Variants in GLDN observed in about 807,000 individuals in gnomAD.
The protein encoded by GLDN is gliomedin.
GLDN carries 47 observed loss-of-function variants against 56.5 expected under a neutral mutation model. The ratio of observed to expected loss-of-function variants is 0.83; its 90% CI spans 0.66 to 1.06. The LOEUF (loss-of-function observed/expected upper bound fraction) is 1.06, where lower values mean the gene tolerates loss of function less well. GLDN is among the 50% of genes least tolerant of loss of function. The pLI, the probability that GLDN is intolerant of heterozygous loss-of-function variation, is 0.00. For missense variants in GLDN, 782 were observed against 714.3 expected, an observed-to-expected ratio of 1.09 and a Z score of -1.08; for synonymous variants, 332 against 278.8, an observed-to-expected ratio of 1.19 and a Z score of -1.90.
intron 4 of GLDN, chr15:51,384,128 G>A (rs150415472): frequency 9.2e-4 from 470 of 513,292 alleles, no homozygotes; most frequent in Middle Eastern, 2.3e-3. Context: ...GAACTGACTC[G>A]CACCCTTCTG....
At chr15:51,411,791 G>A (rs991839639), downstream of GLDN, among the ~76,000 whole-genome samples, 1 of 152,078 alleles carries the variant, frequency 6.6e-6, no homozygotes, top group Non-Finnish European at 1.5e-5. Flanking sequence ...ACTATTTTTA[G>A]TTTGCAGACC....
At chr15:51,343,846 C>T (rs2036930386) in intron 1 of GLDN, among the ~76,000 whole-genome samples, 1 of 152,198 alleles carries the variant, frequency 6.6e-6, no homozygotes, top group South Asian at 2.1e-4. Flanking sequence ...TCCAGGGCCT[C>T]TCCCTCAGAC....
At position 51,404,409 on chromosome 15, in the gene GLDN, C is replaced by A; in HGVS notation, c.1311C>A (p.Ile437=). The A allele has an allele frequency of 6.2e-7, 1 of 1,614,154 alleles. No individual in the cohort carries two copies. Among genetic ancestry groups the A allele is most frequent in the Non-Finnish European group, 8.5e-7 (1 of 1,180,020 alleles). ...TAGATGAAAAGGGCCTTTGGATTAT[C>A]TATGCGTCAAGTGTGGACGGCTCGA... ...LAVDEKGLWI[I]YASSVDGSSI... The change falls in exon 10 of 10, where the codon ATC becomes ATA. Residue 437 remains isoleucine, a synonymous_variant. Transcript: ENST00000335449.
intron 1 of GLDN, among the ~76,000 whole-genome samples, chr15:51,376,012 C>A (rs1335384961): frequency 6.6e-6 from 1 of 152,204 alleles, no homozygotes; most frequent in African/African-American, 2.4e-5. Context: ...CAAGGAAATT[C>A]TCTTGATGAT....
intron 8 of GLDN, 113 bp from the exon 9 acceptor site, chr15:51,401,480 T>G (rs2038247864): frequency 3.3e-6 from 3 of 907,836 alleles, no homozygotes; most frequent in Non-Finnish European, 5.3e-6. Flanking sequence ...CAAGGGACCT[T>G]AGGGAACATT....
intron 1 of GLDN, among the ~76,000 whole-genome samples, chr15:51,355,731 G>T (rs571014556): frequency 4.7e-5 from 7 of 149,620 alleles, no homozygotes; most frequent in Admixed American, 1.3e-4. Flanking sequence ...CACCGTGTTA[G>T]CCGGGATGGT....
rs745619575 is a variant in GLDN, at chr15:51,404,752, T to G, written c.1654T>G (p.Ter552GlyextTer51). Residue 552 changes from the stop codon to glycine, a stop_lost, in exon 10 of 10, where the codon TGA (stop) becomes GGA (glycine). Coordinates refer to ENST00000335449, the MANE Select transcript of GLDN (RefSeq NM_181789.4). The part of the protein sequence containing the change: ...VQFLSTTLNQ[*>G] ...GTTTTTGTCAACTACCTTAAATCAG[T>G]GATGTGCTGCATTCGGCTCCCTTCA... 2 of 1,506,246 alleles carry G rather than the reference T, an allele frequency of 1.3e-6. No individual in the cohort carries two copies. The highest frequency in any genetic ancestry group is 1.8e-6 in the Non-Finnish European group (2 of 1,085,672). The allele number at this position is 1,506,246 out of a possible 1,614,324, so 93.3% of individuals were successfully genotyped here. A position where few individuals can be genotyped will look rare whatever the true frequency, so the allele number is the denominator to read the frequency against.
At chr15:51,379,780 G>A (rs2037715713) in intron 2 of GLDN, among the ~76,000 whole-genome samples, 1 of 152,196 alleles carries the variant, frequency 6.6e-6, no homozygotes, top group Admixed American at 6.5e-5. Flanking sequence ...GTTAGCATGA[G>A]CTACATAATT....
intron 1 of GLDN, chr15:51,360,120 G>A (rs951694055): frequency 2.6e-5 from 4 of 152,186 alleles, no homozygotes; most frequent in African/African-American, 7.2e-5. Context: ...TGGGCCCCGA[G>A]CAAAATTTGG....
downstream of GLDN, among the ~76,000 whole-genome samples, chr15:51,410,208 C>G (rs1008035613): frequency 6.6e-6 from 1 of 152,328 alleles, no homozygotes; most frequent in South Asian, 2.1e-4. Context: ...TAGATATCAC[C>G]CCTTCCCTCT....
Position 51,397,062 on chromosome 15 carries a change from A to T in GLDN, c.689-408A>T, listed in dbSNP as rs147490968. On this transcript the variant is annotated intron_variant, in intron 5 of 9. Transcript: ENST00000335449. The stretch of plus-strand genomic sequence containing the variant: ...AAAAGCACCATCCCTTATGAACCCC[A>T]ATTGAAAAGACCAGGTCAGAGCAGA... Among the ~76,000 whole-genome samples, 117 of 152,252 alleles carry T rather than the reference A, an allele frequency of 7.7e-4. 1 individual carries two copies. The highest frequency in any genetic ancestry group is 2.6e-3 in the African/African-American group (110 of 41,552).
rs568401865 is a variant in GLDN, at chr15:51,398,614, C to T, written c.817+1016C>T. Among the ~76,000 whole-genome samples the T allele has an allele frequency of 4.6e-5, 7 of 152,294 alleles. No homozygotes were observed. The East Asian group carries it at 9.7e-4, about 21-fold the overall frequency. ...GTTCTTTCTGGAAGACGTTTGGGGG[C>T]GCACGGTCAGCTGTCAAAATGGGCG... On this transcript the variant is annotated intron_variant, in intron 6 of 9. Coordinates refer to ENST00000335449, the MANE Select transcript of GLDN (RefSeq NM_181789.4).
At chr15:51,344,360 A>T (rs1045662222) in intron 1 of GLDN, among the ~76,000 whole-genome samples, 2 of 152,220 alleles carry the variant, frequency 1.3e-5, no homozygotes, top group Non-Finnish European at 2.9e-5. Context: ...CAGGACGAGG[A>T]GCCAATTTTA....
intron 1 of GLDN, among the ~76,000 whole-genome samples, chr15:51,357,407 A>G (rs1293971153): frequency 1.3e-5 from 2 of 152,336 alleles, no homozygotes; most frequent in East Asian, 3.9e-4. Context: ...GCGGTGAGTA[A>G]CACTGGACCC....
chr15:51,396,750 A>T (rs1227837491), intron 5 of GLDN, among the ~76,000 whole-genome samples: 1 of 152,154 alleles, frequency 6.6e-6, no homozygotes, highest in East Asian at 1.9e-4. Context: ...CCGTCTATCC[A>T]TCCATTCAGA....
intron 1 of GLDN, among the ~76,000 whole-genome samples, chr15:51,376,424 C>T (rs1178862310): frequency 1.3e-5 from 2 of 152,184 alleles, no homozygotes; most frequent in African/African-American, 4.8e-5. Flanking sequence ...ACTGGGGTAG[C>T]TCTGGGTGAG....
At chr15:51,386,820 C>T (rs1595829506) in intron 4 of GLDN, among the ~76,000 whole-genome samples, 1 of 152,264 alleles carries the variant, frequency 6.6e-6, no homozygotes, top group African/African-American at 2.4e-5. Flanking sequence ...CCTAAGGTTG[C>T]TGTCATGCTC....
chr15:51,409,318 A>C (rs1175087866), downstream of GLDN, among the ~76,000 whole-genome samples: 1 of 152,102 alleles, frequency 6.6e-6, no homozygotes, highest in African/African-American at 2.4e-5. Context: ...AGTGCCTGTT[A>C]CTGGACTTTT....
At position 51,396,476 on chromosome 15, in the gene GLDN, A is replaced by G. The variant is rs143342762; in HGVS notation, c.689-994A>G. On this transcript the variant is annotated intron_variant, in intron 5 of 9. Coordinates refer to ENST00000335449, the MANE Select transcript of GLDN (RefSeq NM_181789.4). ...ACAAAGACAATAGCACAGAGGAAAGAGCAGGTGACAGCTGACTCTCATGGA... is the reference window on the plus strand; with the variant it reads ...ACAAAGACAATAGCACAGAGGAAAGGGCAGGTGACAGCTGACTCTCATGGA... 9.8e-5 allele frequency among the ~76,000 whole-genome samples: 15 copies of G among 152,366 alleles called. No homozygotes were observed. The East Asian group carries it at 2.9e-3, about 29-fold the overall frequency.
Sources: gnomAD v4.1 joint callset for allele counts (sites outside exome capture counted in the v4.1 genomes callset) on GRCh38, gnomAD v4.1.1 for gene constraint, MANE v1.5 for transcripts, NCBI Gene and HGNC (gene_info 2026-07-23, HGNC 2026-07-21) for gene names.